PRKAR2B: variants seen among roughly 807,000 people sequenced by gnomAD.
PRKAR2B encodes the protein cAMP-dependent protein kinase type II-beta regulatory subunit.
A neutral mutation model predicts 49.9 loss-of-function variants in PRKAR2B; 14 were observed. That is an observed-to-expected ratio of 0.28 (90% confidence interval 0.19 to 0.44). The LOEUF is 0.44. Ranked by LOEUF, PRKAR2B falls within the 20% of genes least tolerant of loss-of-function variation. The probability of loss-of-function intolerance (pLI) is 1.00; values close to 1 mark genes in which losing one functional copy is unlikely to be tolerated. For synonymous variants in PRKAR2B, 196 were observed against 197.7 expected (o/e 0.99, Z 0.07); for missense variants, 393 against 537.9 (o/e 0.73, Z 2.67).
intron 2 of PRKAR2B, chr7:107,077,626 T>C (rs1794424529): frequency 6.6e-6 from 1 of 152,224 alleles, no homozygotes; most frequent in Non-Finnish European, 1.5e-5. Context: ...CCACTGGCTA[T>C]GGATAGCAGG....
Position 107,159,676 on chromosome 7 carries a change from G to C in PRKAR2B, c.*94G>C. The C allele has an allele frequency of 7.3e-7, 1 of 1,370,688 alleles. No individual in the cohort carries two copies. The highest frequency in any genetic ancestry group is 1.4e-5 in the South Asian group (1 of 69,032). 84.9% of individuals were successfully genotyped at this position (1,370,688 alleles called of 1,614,324 possible). A position where few individuals can be genotyped will look rare whatever the true frequency, so the allele number is the denominator to read the frequency against. On this transcript the variant is annotated 3_prime_UTR_variant, in exon 11 of 11. Coordinates refer to ENST00000265717, the MANE Select transcript of PRKAR2B (RefSeq NM_002736.3). ...TTTGTGTAGATGCCAAGCATTTTCT[G>C]TGATTTCAGGTTTTTTCCTTTTTTT...
chr7:107,149,706 T>A (rs1420791851), intron 6 of PRKAR2B, among the ~76,000 whole-genome samples: 1 of 152,192 alleles, frequency 6.6e-6, no homozygotes, highest in Non-Finnish European at 1.5e-5. Context: ...GAGACTTTCA[T>A]CTATACTGGC....
intron 2 of PRKAR2B, among the ~76,000 whole-genome samples, chr7:107,098,735 A>G (rs1349132277): frequency 6.6e-6 from 1 of 152,216 alleles, no homozygotes; most frequent in East Asian, 1.9e-4. Flanking sequence ...TCCTTCTAAC[A>G]GTCAGGACCC....
At chr7:107,115,172 G>T (rs1795250418) in intron 2 of PRKAR2B, among the ~76,000 whole-genome samples, 1 of 152,024 alleles carries the variant, frequency 6.6e-6, no homozygotes, top group Non-Finnish European at 1.5e-5. Flanking sequence ...GTTTGTGAAT[G>T]GCTAATTCTT....
rs942327671 is a variant in PRKAR2B, at chr7:107,056,480, C to G, written c.307+11266C>G. On this transcript the variant is annotated intron_variant, in intron 1 of 10. Coordinates refer to ENST00000265717, the MANE Select transcript of PRKAR2B (RefSeq NM_002736.3). ...ATGTTCTTCCATTTGTTTGTATCCTCTTTTATTTCATTGAGCAGTGGTTTG... is the reference window on the plus strand; with the variant it reads ...ATGTTCTTCCATTTGTTTGTATCCTGTTTTATTTCATTGAGCAGTGGTTTG... 3.8e-4 allele frequency among the ~76,000 whole-genome samples: 58 copies of G among 152,148 alleles called. 1 individual carries two copies. The highest frequency in any genetic ancestry group is 7.9e-4 in the Non-Finnish European group (54 of 68,028).
intron 2 of PRKAR2B, among the ~76,000 whole-genome samples, chr7:107,072,585 G>A (rs1000891946): frequency 6.6e-6 from 1 of 152,124 alleles, no homozygotes; most frequent in Non-Finnish European, 1.5e-5. Flanking sequence ...AAAAGTTTGT[G>A]TAAAATGTTT....
At chr7:107,104,582 T>C (rs1795039489) in intron 2 of PRKAR2B, among the ~76,000 whole-genome samples, 1 of 152,202 alleles carries the variant, frequency 6.6e-6, no homozygotes, top group Non-Finnish European at 1.5e-5. Context: ...AAAATTAATA[T>C]GGTCATTCAC....
chr7:107,092,367 CT>C (rs1190744708), intron 2 of PRKAR2B, among the ~76,000 whole-genome samples: 1 of 151,684 alleles, frequency 6.6e-6, no homozygotes, highest in Non-Finnish European at 1.5e-5. Flanking sequence ...CAAAATAGGT[CT>C]TTATAGTCCT....
chr7:107,065,313 G>GGTGTGTGTGTGTGTGTGTGT (rs1353262616), intron 1 of PRKAR2B, among the ~76,000 whole-genome samples: 3 of 130,398 alleles, frequency 2.3e-5, no homozygotes, highest in Admixed American at 7.9e-5. Flanking sequence ...GTTTGCTCGG[G>GGTGTGTGTGTGTGTGTGTGT]GTGTGTGTAT....
intron 1 of PRKAR2B, among the ~76,000 whole-genome samples, chr7:107,061,970 G>A (rs1794036043): frequency 6.6e-6 from 1 of 152,126 alleles, no homozygotes; most frequent in Non-Finnish European, 1.5e-5. Context: ...TATCAGGATA[G>A]TGAAAAAACC....
rs1584459802 is a variant in PRKAR2B, at chr7:107,159,902, T to C, written c.*320T>C. The stretch of plus-strand genomic sequence containing the variant: ...TTAAGAAGATAATTAAAGGATGTTA[T>C]CATAGGCTATATGTGTTTTACTTAT... On this transcript the variant is annotated 3_prime_UTR_variant, in exon 11 of 11. Coordinates refer to ENST00000265717, the MANE Select transcript of PRKAR2B (RefSeq NM_002736.3). 4.6e-6 allele frequency: 1 copy of C among 219,756 alleles called. No homozygotes were observed. The highest frequency in any genetic ancestry group is 9.8e-5 in the East Asian group (1 of 10,184). The allele number at this position is 219,756 out of a possible 1,614,324, so 13.6% of individuals were successfully genotyped here.
chr7:107,063,930 T>C (rs1281912341), intron 1 of PRKAR2B, among the ~76,000 whole-genome samples: 2 of 152,190 alleles, frequency 1.3e-5, no homozygotes, highest in African/African-American at 4.8e-5. Flanking sequence ...AACATTGGTC[T>C]CCATAAATCT....
chr7:107,070,217 CT>C, intron 1 of PRKAR2B, 63 bp from the exon 2 acceptor site: 4 of 1,294,760 alleles, frequency 3.1e-6, no homozygotes, highest in South Asian at 1.4e-5. Flanking sequence ...CAATTTGAGC[CT>C]TTTCAGGGTT....
At chr7:107,124,809 C>T (rs1309570024) in intron 3 of PRKAR2B, among the ~76,000 whole-genome samples, 1 of 151,798 alleles carries the variant, frequency 6.6e-6, no homozygotes, top group Non-Finnish European at 1.5e-5. Context: ...GGAAAGGCAG[C>T]AGAAATTTAG....
At chr7:107,068,807 T>G (rs766367955) in intron 1 of PRKAR2B, 2 of 152,164 alleles carry the variant, frequency 1.3e-5, no homozygotes, top group Non-Finnish European at 2.9e-5. Flanking sequence ...TGAGGCAGCG[T>G]TTTGATGCAA....
chr7:107,087,494 T>G (rs1371322500), intron 2 of PRKAR2B, among the ~76,000 whole-genome samples: 1 of 152,202 alleles, frequency 6.6e-6, no homozygotes, highest in Non-Finnish European at 1.5e-5. Context: ...GTGCTTTACA[T>G]GTATTAAATC....
chr7:107,148,812 C>T (rs2115660196), intron 6 of PRKAR2B, among the ~76,000 whole-genome samples: 1 of 152,248 alleles, frequency 6.6e-6, no homozygotes, highest in Middle Eastern at 3.4e-3. Context: ...AGCCTTAGGG[C>T]TAACATGATC....
chr7:107,150,434 A>G (rs186401820), intron 6 of PRKAR2B, among the ~76,000 whole-genome samples: 1 of 152,300 alleles, frequency 6.6e-6, no homozygotes, highest in Admixed American at 6.5e-5. Context: ...ATAACAGCAT[A>G]CAATATATAA....
chr7:107,046,260 C>T (rs1793691761), intron 1 of PRKAR2B, among the ~76,000 whole-genome samples: 1 of 152,132 alleles, frequency 6.6e-6, no homozygotes, highest in Non-Finnish European at 1.5e-5. Flanking sequence ...AGTGTTTTCT[C>T]TTTGTGGTGT....
Sources: allele counts gnomAD v4.1 joint callset (sites outside exome capture counted in the v4.1 genomes callset), GRCh38; gene constraint gnomAD v4.1.1; transcripts MANE v1.5; gene names NCBI Gene and HGNC (gene_info 2026-07-23, HGNC 2026-07-21).